Variants in SEPTIN6 observed in about 807,000 individuals in gnomAD.
SEPTIN6 encodes the protein septin-6.
In SEPTIN6, 8 loss-of-function variants were observed where a neutral mutation model predicts 33.6. The observed-to-expected ratio is 0.24, with a 90% CI of 0.14 to 0.43. The LOEUF (loss-of-function observed/expected upper bound fraction) is 0.43, where lower values mean the gene tolerates loss of function less well. Ranked by LOEUF, SEPTIN6 falls within the 20% of genes least tolerant of loss-of-function variation. The pLI, the probability that SEPTIN6 is intolerant of heterozygous loss-of-function variation, is 1.00. For missense variants in SEPTIN6, 250 were observed against 340.8 expected, an observed-to-expected ratio of 0.73 and a Z score of 2.10; for synonymous variants, 131 against 140.0, an observed-to-expected ratio of 0.94 and a Z score of 0.45.
chrX:119,656,818 G>A (rs1416808988), intron 3 of SEPTIN6, among the ~76,000 whole-genome samples: 3 of 111,820 alleles, frequency 2.7e-5, no homozygotes, highest in African/African-American at 6.5e-5. Context: ...CCGAGGAGGC[G>A]GAGGTTGCGG....
At chrX:119,636,213 G>T (rs2054058881) in intron 7 of SEPTIN6, among the ~76,000 whole-genome samples, 1 of 111,729 alleles carries the variant, frequency 9.0e-6, no homozygotes, top group African/African-American at 3.3e-5. Context: ...TAAGATCTCA[G>T]AGGCTCTTTG....
intron 1 of SEPTIN6, among the ~76,000 whole-genome samples, chrX:119,682,779 T>C (rs989880727): frequency 1.8e-5 from 2 of 111,481 alleles, no homozygotes; most frequent in Admixed American, 1.9e-4. Flanking sequence ...GCAAGCCGTA[T>C]TTGAGGCCTC....
chrX:119,654,721 T>C (rs1053545195), intron 3 of SEPTIN6, among the ~76,000 whole-genome samples: 1 of 111,717 alleles, frequency 9.0e-6, no homozygotes, highest in Non-Finnish European at 1.9e-5. Context: ...AGATGGAGTT[T>C]CGCTCTGTTG....
intron 2 of SEPTIN6, among the ~76,000 whole-genome samples, chrX:119,671,753 C>T (rs1452729809): frequency 9.0e-6 from 1 of 111,019 alleles, no homozygotes; most frequent in East Asian, 2.9e-4. Flanking sequence ...GGCAATAGAA[C>T]AAGACTGTGT....
chrX:119,623,700 A>G (rs2053806265), intron 10 of SEPTIN6, among the ~76,000 whole-genome samples: 1 of 111,510 alleles, frequency 9.0e-6, no homozygotes, highest in Non-Finnish European at 1.9e-5. Context: ...TTAGCCAGGA[A>G]TGGTGGCACA....
At chrX:119,661,645 G>A (rs2054549093) in intron 3 of SEPTIN6, among the ~76,000 whole-genome samples, 1 of 111,342 alleles carries the variant, frequency 9.0e-6, no homozygotes, top group Admixed American at 9.6e-5. Context: ...GTGACTTCTG[G>A]TTAAATGCAG....
intron 2 of SEPTIN6, among the ~76,000 whole-genome samples, chrX:119,669,282 T>C (rs187040900): frequency 2.9e-4 from 33 of 112,874 alleles, no homozygotes; most frequent in Admixed American, 7.5e-4. Flanking sequence ...ACAAAGACTC[T>C]AACAGGAGCC....
At chrX:119,641,708 G>A (rs1429046037) in intron 5 of SEPTIN6, among the ~76,000 whole-genome samples, 1 of 112,006 alleles carries the variant, frequency 8.9e-6, no homozygotes, top group Non-Finnish European at 1.9e-5. Context: ...TGGCAGTATG[G>A]GGCCTAGGAA....
intron 3 of SEPTIN6, among the ~76,000 whole-genome samples, chrX:119,657,717 T>C (rs1032833564): frequency 9.0e-6 from 1 of 111,242 alleles, no homozygotes; most frequent in Non-Finnish European, 1.9e-5. Flanking sequence ...CTCTTTATGT[T>C]ATCCAGGCTG....
In SEPTIN6 at chrX:119,623,911, C is replaced by T. The variant is rs142777261; in HGVS notation, c.*41+1424G>A. On this transcript the variant is annotated intron_variant, in intron 10 of 10. Coordinates refer to ENST00000394610, the MANE Select transcript of SEPTIN6 (RefSeq NM_145799.4). ...AAAATGTTTGTATTTCCTTTCCATCCACTACCTGAGTCTAGTAGAGGAGAT... is the reference window on the plus strand; with the variant it reads ...AAAATGTTTGTATTTCCTTTCCATCTACTACCTGAGTCTAGTAGAGGAGAT... 7.7e-3 allele frequency: 1,028 copies of T among 132,954 alleles called. 14 individuals carry two copies. The highest frequency in any genetic ancestry group is 0.03 in the African/African-American group (928 of 31,382). 11.0% of individuals were successfully genotyped at this position (132,954 alleles called of 1,213,427 possible).
chrX:119,663,974 G>T (rs764027859), intron 2 of SEPTIN6, among the ~76,000 whole-genome samples: 184 of 109,698 alleles, frequency 1.7e-3, no homozygotes, highest in African/African-American at 5.7e-3. Context: ...TGTTTTTTTT[G>T]TTGTTGTTTG....
chrX:119,625,542 C>T, intron 9 of SEPTIN6, 163 bp from the exon 10 acceptor site: 1 of 398,026 alleles, frequency 2.5e-6, no homozygotes, highest in Non-Finnish European at 4.4e-6. Context: ...AACACTGATA[C>T]TCTTTTTTTT....
At chrX:119,659,871 C>T (rs1431278548) in intron 3 of SEPTIN6, among the ~76,000 whole-genome samples, 2 of 111,329 alleles carry the variant, frequency 1.8e-5, no homozygotes, top group Non-Finnish European at 3.8e-5. Context: ...CTCCAGCATC[C>T]TTTTTTATTT....
chrX:119,679,561 A>C (rs1054111178), intron 1 of SEPTIN6, among the ~76,000 whole-genome samples: 1 of 111,838 alleles, frequency 8.9e-6, no homozygotes, highest in South Asian at 3.7e-4. Context: ...GAGATGTCTT[A>C]AGAAGGGATG....
At chrX:119,625,539 A>T in intron 9 of SEPTIN6, 160 bp from the exon 10 acceptor site, 1 of 410,023 alleles carries the variant, frequency 2.4e-6, no homozygotes, top group Non-Finnish European at 4.3e-6. Flanking sequence ...TGAAACACTG[A>T]TACTCTTTTT....
chrX:119,636,933 C>A, intron 7 of SEPTIN6, 94 bp downstream of exon 7: 1 of 1,042,884 alleles, frequency 9.6e-7, no homozygotes, highest in Non-Finnish European at 1.3e-6. Flanking sequence ...CGTGTCTCGC[C>A]TCCCCTGTGA....
At position 119,619,431 on chromosome X, in the gene SEPTIN6, C is replaced by T. The variant is rs762986496; in HGVS notation, c.*662G>A. 2.5e-6 allele frequency: 2 copies of T among 813,423 alleles called. No homozygotes were observed. Among genetic ancestry groups the T allele is most frequent in the South Asian group, 6.6e-5 (1 of 15,240 alleles). The allele number at this position is 813,423 out of a possible 1,213,427, so 67.0% of individuals were successfully genotyped here. A position where few individuals can be genotyped will look rare whatever the true frequency, so the allele number is the denominator to read the frequency against. On this transcript the variant is annotated 3_prime_UTR_variant, in exon 11 of 11. Coordinates refer to ENST00000394610, the MANE Select transcript of SEPTIN6 (RefSeq NM_145799.4). ...CAGCAGTTGTGTTTTATGGGAAGGGCTTGGTGTAAATAAATGCGTTGCCGA... is the reference window on the plus strand; with the variant it reads ...CAGCAGTTGTGTTTTATGGGAAGGGTTTGGTGTAAATAAATGCGTTGCCGA...
chrX:119,689,298 G>C (rs556521232), intron 1 of SEPTIN6, among the ~76,000 whole-genome samples: 2 of 111,803 alleles, frequency 1.8e-5, no homozygotes, highest in South Asian at 7.5e-4. Context: ...TTTGGGGCTT[G>C]CCCTGTGCCT....
intron 1 of SEPTIN6, among the ~76,000 whole-genome samples, chrX:119,679,116 T>C (rs1415924198): frequency 9.1e-6 from 1 of 110,216 alleles, no homozygotes; most frequent in Non-Finnish European, 1.9e-5. Flanking sequence ...ATTTTTTGTA[T>C]ATTTTAGTAG....
Sources: gnomAD v4.1 joint callset for allele counts (sites outside exome capture counted in the v4.1 genomes callset) on GRCh38, gnomAD v4.1.1 for gene constraint, MANE v1.5 for transcripts, NCBI Gene and HGNC (gene_info 2026-07-23, HGNC 2026-07-21) for gene names.